The following LRRC38 variants were observed in gnomAD, a reference collection of about 807,000 sequenced individuals.
The protein encoded by LRRC38 is leucine-rich repeat-containing protein 38.
LRRC38 carries 5 observed loss-of-function variants against 16.4 expected under a neutral mutation model. The observed-to-expected ratio is 0.31, with a 90% CI of 0.16 to 0.64. LRRC38 has a LOEUF of 0.64. LRRC38 is among the 30% of genes least tolerant of loss of function. The pLI, the probability that LRRC38 is intolerant of heterozygous loss-of-function variation, is 0.80. For missense variants in LRRC38, 341 were observed against 401.8 expected (o/e 0.85, Z 1.29); for synonymous variants, 191 against 190.2 (o/e 1.00, Z -0.04).
Position 13,513,312 on chromosome 1 carries a change from C to A in LRRC38, c.282G>T (p.Ser94=), listed in dbSNP as rs1162717131. ...YLDFRNNSLR[S]LEEGTFSGSA... is the part of the protein sequence containing the mutation. ...AGCCGCTGAACGTGCCCTCCTCCAG[C>A]GAGCGCAGCGAGTTGTTCCTGAAGT... Residue 94 remains serine, a synonymous_variant, in exon 1 of 2, where the codon TCG becomes TCT. Coordinates refer to ENST00000376085, the MANE Select transcript of LRRC38 (RefSeq NM_001010847.2). 1.9e-6 allele frequency: 3 copies of A among 1,550,720 alleles called. No individual in the cohort carries two copies. The highest frequency in any genetic ancestry group is 2.6e-6 in the Non-Finnish European group (3 of 1,146,988).
At chr1:13,498,858 C>G (rs2999897) in intron 1 of LRRC38, among the ~76,000 whole-genome samples, 66,530 of 151,834 alleles carry the variant, frequency 0.44, 17,690 homozygotes, top group Middle Eastern at 0.64. Context: ...AAGGCATCGG[C>G]AGCGCTGGTT....
intron 1 of LRRC38, among the ~76,000 whole-genome samples, chr1:13,497,987 C>T (rs12044556): frequency 0.093 from 11,938 of 128,172 alleles, 692 homozygotes; most frequent in Non-Finnish European, 0.12. Context: ...AAAAAAGAAA[C>T]GACATTTTGG....
chr1:13,483,929 T>TGGGGAGGGGAGGAGC (rs1553134839), intron 1 of LRRC38, among the ~76,000 whole-genome samples: 9 of 16,326 alleles, frequency 5.5e-4, no homozygotes, highest in East Asian at 4.6e-3. Flanking sequence ...AGGAGAGGAG[T>TGGGGAGGGGAGGAGC]GGGGAGGGGA....
intron 1 of LRRC38, among the ~76,000 whole-genome samples, chr1:13,504,317 G>A (rs901232507): frequency 4.6e-5 from 7 of 152,114 alleles, no homozygotes; most frequent in South Asian, 2.1e-4. Flanking sequence ...CATGGATGCC[G>A]GGGGTGGCCT....
At chr1:13,477,819 G>C (rs74921048) in intron 1 of LRRC38, among the ~76,000 whole-genome samples, 2,041 of 152,266 alleles carry the variant, frequency 0.013, 31 homozygotes, top group Non-Finnish European at 0.02. Context: ...CAGAGACCCT[G>C]TGTCAAAAAG....
intron 1 of LRRC38, among the ~76,000 whole-genome samples, chr1:13,497,541 C>T (rs961122744): frequency 6.6e-6 from 1 of 151,984 alleles, no homozygotes; most frequent in Non-Finnish European, 1.5e-5. Flanking sequence ...GGCTGGTGAC[C>T]AACTTACATT....
intron 1 of LRRC38, among the ~76,000 whole-genome samples, chr1:13,486,311 C>T (rs1016678232): frequency 6.6e-6 from 1 of 152,148 alleles, no homozygotes; most frequent in Non-Finnish European, 1.5e-5. Flanking sequence ...GGATTTAGGA[C>T]AGTCCTACCC....
chr1:13,482,842 A>G lies in LRRC38; in HGVS notation c.632-6743T>C, dbSNP rs566112717. 5.4e-4 allele frequency among the ~76,000 whole-genome samples: 82 copies of G among 152,328 alleles called. 1 individual carries two copies. The highest frequency in any genetic ancestry group is 1.8e-3 in the African/African-American group (74 of 41,570). On this transcript the variant is annotated intron_variant, in intron 1 of 1. Coordinates refer to ENST00000376085, the MANE Select transcript of LRRC38 (RefSeq NM_001010847.2). ...ACAGCACCTGGTGTGTGCCTAGCAC[A>G]CTTCAAGCTTCACAAAACATACTAG... is the stretch of plus-strand genomic sequence containing the variant.
rs1476672660 is a variant in LRRC38 at position 13,475,686 on chromosome 1, G to C, written c.*160C>G. On this transcript the variant is annotated 3_prime_UTR_variant, in exon 2 of 2. Transcript: ENST00000376085. This position sits in a 1 kb window ranked among gnomAD's most constrained non-coding sequence, Gnocchi z 4.3. Reference sequence around the variant, plus strand: ...CTGCTGATTCTAAACTCTGAGATCAGTGGTCCCAGCAGGTGTACCCAGGGG... The same window carrying C: ...CTGCTGATTCTAAACTCTGAGATCACTGGTCCCAGCAGGTGTACCCAGGGG... 1.2e-6 allele frequency: 1 copy of C among 827,488 alleles called. No individual in the cohort carries two copies. The highest frequency in any genetic ancestry group is 1.8e-6 in the Non-Finnish European group (1 of 544,990). 51.3% of individuals were successfully genotyped at this position (827,488 alleles called of 1,614,324 possible). A position where few individuals can be genotyped will look rare whatever the true frequency, so the allele number is the denominator to read the frequency against.
rs1043003943 is a variant in LRRC38 at position 13,504,062 on chromosome 1, T to C, written c.631+8901A>G. ...TTTGACAGGCAATTCCTTAGTTCATTGGGTTTCATATATCTGTATACGTAT... is the reference window on the plus strand; with the variant it reads ...TTTGACAGGCAATTCCTTAGTTCATCGGGTTTCATATATCTGTATACGTAT... On this transcript the variant is annotated intron_variant, in intron 1 of 1. Transcript: ENST00000376085. 2.0e-5 allele frequency among the ~76,000 whole-genome samples: 3 copies of C among 152,242 alleles called. No individual in the cohort carries two copies. The South Asian group carries it at 6.2e-4, about 31-fold the overall frequency.
At chr1:13,511,987 G>C (rs1326000514) in intron 1 of LRRC38, among the ~76,000 whole-genome samples, 2 of 152,188 alleles carry the variant, frequency 1.3e-5, no homozygotes, top group African/African-American at 4.8e-5. Flanking sequence ...CTGCATGTAT[G>C]TCACCTTTGA....
intron 1 of LRRC38, among the ~76,000 whole-genome samples, chr1:13,492,885 A>T (rs1324454972): frequency 2.0e-5 from 3 of 152,188 alleles, no homozygotes; most frequent in African/African-American, 7.2e-5. Context: ...GATGTGACGC[A>T]TCTCTGCTCT....
At chr1:13,508,768 C>G (rs994089527) in intron 1 of LRRC38, among the ~76,000 whole-genome samples, 1 of 152,092 alleles carries the variant, frequency 6.6e-6, no homozygotes, top group Non-Finnish European at 1.5e-5. Flanking sequence ...TTCAGGCAAG[C>G]GCCGGGTTTG....
At chr1:13,494,426 T>C (rs1443616104) in intron 1 of LRRC38, among the ~76,000 whole-genome samples, 1 of 151,456 alleles carries the variant, frequency 6.6e-6, no homozygotes, top group East Asian at 1.9e-4. Context: ...TTTCCATTTC[T>C]TCCTTGCTAT....
chr1:13,488,642 C>T (rs973349255), intron 1 of LRRC38, among the ~76,000 whole-genome samples: 4 of 152,054 alleles, frequency 2.6e-5, no homozygotes, highest in Admixed American at 6.6e-5. Flanking sequence ...CTTGAACTTG[C>T]GCCAACACTG....
intron 1 of LRRC38, among the ~76,000 whole-genome samples, chr1:13,485,565 CA>C (rs569617711): frequency 1.1e-3 from 154 of 139,226 alleles, no homozygotes; most frequent in Admixed American, 1.3e-3. Flanking sequence ...GACTCCATCT[CA>C]AAAAAAAAAA....
intron 1 of LRRC38, among the ~76,000 whole-genome samples, chr1:13,491,906 C>A (rs1442785753): frequency 1.3e-5 from 2 of 152,106 alleles, no homozygotes; most frequent in Non-Finnish European, 2.9e-5. Flanking sequence ...GAACTCCTGA[C>A]CCCAGGTGAT....
chr1:13,512,698 C>A (rs1293188599), intron 1 of LRRC38, among the ~76,000 whole-genome samples: 1 of 152,128 alleles, frequency 6.6e-6, no homozygotes, highest in African/African-American at 2.4e-5. Context: ...CTGGGCATCC[C>A]GAGAAGGGGA....
At chr1:13,490,395 G>C (rs1638995439) in intron 1 of LRRC38, among the ~76,000 whole-genome samples, 1 of 152,138 alleles carries the variant, frequency 6.6e-6, no homozygotes, top group Non-Finnish European at 1.5e-5. Flanking sequence ...CTGACCTCAA[G>C]TGATCCGCCT....
Sources: gnomAD v4.1 joint callset for allele counts (sites outside exome capture counted in the v4.1 genomes callset) on GRCh38, gnomAD v4.1.1 for gene constraint, Gnocchi (gnomAD v3.1) non-coding constraint, MANE v1.5 for transcripts, NCBI Gene and HGNC (gene_info 2026-07-23, HGNC 2026-07-21) for gene names.